ICA1L: variants seen among roughly 807,000 people sequenced by gnomAD.
The protein encoded by ICA1L is islet cell autoantigen 1 like.
A neutral mutation model predicts 61.3 loss-of-function variants in ICA1L; 50 were observed. The ratio of observed to expected loss-of-function variants is 0.82; its 90% CI spans 0.65 to 1.03. The LOEUF is 1.03. ICA1L is among the 50% of genes least tolerant of loss of function. ICA1L has a pLI of 0.00. For missense variants in ICA1L, 508 were observed against 556.7 expected (o/e 0.91, Z 0.88); for synonymous variants, 161 against 191.3 (o/e 0.84, Z 1.31).
In ICA1L at chr2:202,776,662, T is replaced by C. The variant is rs945672776; in HGVS notation, c.*2871A>G. 6.6e-6 allele frequency: 1 copy of C among 152,222 alleles called. No individual in the cohort carries two copies. The highest frequency in any genetic ancestry group is 1.5e-5 in the Non-Finnish European group (1 of 68,038). 9.4% of individuals were successfully genotyped at this position (152,222 alleles called of 1,614,324 possible). A position where few individuals can be genotyped will look rare whatever the true frequency, so the allele number is the denominator to read the frequency against. On this transcript the variant is annotated 3_prime_UTR_variant, in exon 13 of 13. Coordinates refer to ENST00000358299, the MANE Select transcript of ICA1L (RefSeq NM_001288622.3). ...ACGAATGTGGTTACCTTCATCTTAA[T>C]ATAGTTACTGATATGCTCTTCAAAA...
chr2:202,826,523 G>A (rs1422445212), intron 2 of ICA1L, among the ~76,000 whole-genome samples: 1 of 152,170 alleles, frequency 6.6e-6, no homozygotes, highest in Non-Finnish European at 1.5e-5. Flanking sequence ...CCAGGCTGGA[G>A]TGCAGTGGTG....
Position 202,819,806 on chromosome 2 carries a change from C to G in ICA1L, c.453G>C (p.Arg151=), listed in dbSNP as rs770716015. 4 of 1,614,034 alleles carry G rather than the reference C, an allele frequency of 2.5e-6. No individual in the cohort carries two copies. The highest frequency in any genetic ancestry group is 3.4e-6 in the Non-Finnish European group (4 of 1,179,902). ...TGTATTCTGTGCGTGCCTGCTCCATCCGATTAATTGTCATCAAGGTATCAG... is the reference window on the plus strand; with the variant it reads ...TGTATTCTGTGCGTGCCTGCTCCATGCGATTAATTGTCATCAAGGTATCAG... ...AVSDTLMTIN[R]MEQARTEYRG... is the part of the protein sequence containing the mutation. The change falls in exon 5 of 13, where the codon CGG becomes CGC. Residue 151 remains arginine, a synonymous_variant. Coordinates refer to ENST00000358299, the MANE Select transcript of ICA1L (RefSeq NM_001288622.3).
chr2:202,864,623 A>ATG (rs1486113978), intron 1 of ICA1L, among the ~76,000 whole-genome samples: 1 of 135,968 alleles, frequency 7.4e-6, no homozygotes, highest in African/African-American at 2.6e-5. Flanking sequence ...GTGTGTATAT[A>ATG]TATATGTGTG....
chr2:202,864,390 C>T (rs1472452113), intron 1 of ICA1L, among the ~76,000 whole-genome samples: 2 of 152,104 alleles, frequency 1.3e-5, no homozygotes, highest in Non-Finnish European at 2.9e-5. Flanking sequence ...ACTACAGGCA[C>T]CTGCCACCAC....
intron 1 of ICA1L, among the ~76,000 whole-genome samples, chr2:202,862,729 C>G (rs1289822976): frequency 6.6e-6 from 1 of 150,946 alleles, no homozygotes; most frequent in Non-Finnish European, 1.5e-5. Context: ...CCCAGCTACT[C>G]GGGAGGCTGA....
In ICA1L at chr2:202,816,010, C is replaced by G; in HGVS notation, c.685-1G>C. The G allele has an allele frequency of 1.3e-6, 2 of 1,585,850 alleles. No homozygotes were observed. The highest frequency in any genetic ancestry group is 1.2e-5 in the South Asian group (1 of 86,452). On this transcript the variant is annotated splice_acceptor_variant, in intron 6 of 12. Coordinates refer to ENST00000358299, the MANE Select transcript of ICA1L (RefSeq NM_001288622.3). LOFTEE classifies it high-confidence loss of function. ...TCTTCCAGAATCCAAGCAGTGTTCT[C>G]TGCAAAAAAAGAAAAGGTGACACTA...
At chr2:202,857,564 A>G (rs1211423862) in intron 1 of ICA1L, among the ~76,000 whole-genome samples, 1 of 152,152 alleles carries the variant, frequency 6.6e-6, no homozygotes, top group Non-Finnish European at 1.5e-5. Flanking sequence ...CATAGGAATG[A>G]GCAAAGACTT....
At chr2:202,779,748 A>G (rs1395329895) in intron 12 of ICA1L, 100 bp from the exon 13 acceptor site, 1 of 652,044 alleles carries the variant, frequency 1.5e-6, no homozygotes, top group African/African-American at 1.8e-5. Context: ...TTTTGGATTA[A>G]GAAAAAATTA....
At chr2:202,812,403 CCT>C (rs1456105155) in intron 8 of ICA1L, among the ~76,000 whole-genome samples, 1 of 152,000 alleles carries the variant, frequency 6.6e-6, no homozygotes, top group East Asian at 1.9e-4. Flanking sequence ...GTGGTGAAAC[CCT>C]GTCTCTACCA....
chr2:202,855,093 A>C (rs1694733621), intron 1 of ICA1L, among the ~76,000 whole-genome samples: 1 of 152,232 alleles, frequency 6.6e-6, no homozygotes, highest in Non-Finnish European at 1.5e-5. Flanking sequence ...AAGTTCTTTG[A>C]AACCAATGAG....
At chr2:202,841,715 G>A (rs1416606041) in intron 1 of ICA1L, 1 of 515,270 alleles carries the variant, frequency 1.9e-6, no homozygotes, top group Non-Finnish European at 3.8e-6. Flanking sequence ...GTTGCCGAAG[G>A]CCTGGGGGCC....
At chr2:202,836,334 G>A (rs1159226890) in intron 1 of ICA1L, among the ~76,000 whole-genome samples, 2 of 152,142 alleles carry the variant, frequency 1.3e-5, no homozygotes, top group African/African-American at 4.8e-5. Flanking sequence ...CGCATATGGT[G>A]AATATGCAGA....
At chr2:202,800,577 T>C (rs776493636) in intron 9 of ICA1L, among the ~76,000 whole-genome samples, 7 of 152,088 alleles carry the variant, frequency 4.6e-5, no homozygotes, top group East Asian at 3.9e-4. Flanking sequence ...TAGACACACA[T>C]AGAGACAAAA....
At chr2:202,824,331 C>T (rs1693776083) in intron 3 of ICA1L, among the ~76,000 whole-genome samples, 1 of 151,630 alleles carries the variant, frequency 6.6e-6, no homozygotes, top group African/African-American at 2.4e-5. Context: ...ACCTGGGAGG[C>T]GGAGGTTGCA....
intron 10 of ICA1L, among the ~76,000 whole-genome samples, chr2:202,793,496 A>C (rs1226884795): frequency 8.1e-5 from 2 of 24,802 alleles, no homozygotes; most frequent in African/African-American, 2.7e-4. Flanking sequence ...GTCTCTACTA[A>C]AAAAAAAAAA....
At position 202,809,996 on chromosome 2, in the gene ICA1L, T is replaced by C. The variant is rs1450556464; in HGVS notation, c.910+1750A>G. Reference sequence around the variant, plus strand: ...CCACTATCCAAGTACAGGAAGGTTATAGAATACCAAGCAGATTTAACCCAA... The same window carrying C: ...CCACTATCCAAGTACAGGAAGGTTACAGAATACCAAGCAGATTTAACCCAA... On this transcript the variant is annotated intron_variant, in intron 9 of 12. Coordinates refer to ENST00000358299, the MANE Select transcript of ICA1L (RefSeq NM_001288622.3). Among the ~76,000 whole-genome samples, 3 of 152,094 alleles carry C rather than the reference T, an allele frequency of 2.0e-5. No individual in the cohort carries two copies. The South Asian group carries it at 6.2e-4, about 31-fold the overall frequency.
chr2:202,813,503 G>A (rs751989302), intron 8 of ICA1L, among the ~76,000 whole-genome samples: 3 of 152,000 alleles, frequency 2.0e-5, no homozygotes, highest in Non-Finnish European at 4.4e-5. Context: ...CTGCAGGTTG[G>A]GAAGTTCAAG....
intron 3 of ICA1L, among the ~76,000 whole-genome samples, chr2:202,822,666 C>T (rs915565242): frequency 4.6e-5 from 7 of 152,168 alleles, no homozygotes; most frequent in African/African-American, 1.4e-4. Flanking sequence ...TAAACAACAA[C>T]AAATGTCATG....
At chr2:202,862,759 C>A (rs895100073) in intron 1 of ICA1L, among the ~76,000 whole-genome samples, 7 of 151,546 alleles carry the variant, frequency 4.6e-5, no homozygotes, top group South Asian at 4.2e-4. Context: ...ATCTCTTGAA[C>A]CCGAGAGGCA....
Sources: gnomAD v4.1 joint callset for allele counts (sites outside exome capture counted in the v4.1 genomes callset) on GRCh38, gnomAD v4.1.1 for gene constraint, MANE v1.5 for transcripts, NCBI Gene and HGNC (gene_info 2026-07-23, HGNC 2026-07-21) for gene names.